TBX15: variants seen among roughly 807,000 people sequenced by gnomAD.
TBX15 encodes T-box transcription factor TBX15.
A neutral mutation model predicts 53.9 loss-of-function variants in TBX15; 18 were observed. That is an observed-to-expected ratio of 0.33 (90% confidence interval 0.23 to 0.49). TBX15 has a LOEUF of 0.49. Ranked by LOEUF, TBX15 falls within the 20% of genes least tolerant of loss-of-function variation. The pLI is 0.98. For synonymous variants in TBX15, 295 were observed against 278.0 expected, an observed-to-expected ratio of 1.06 and a Z score of -0.61; for missense variants, 692 against 749.5, an observed-to-expected ratio of 0.92 and a Z score of 0.90.
chr1:118,908,920 TCA>T (rs113048062), intron 6 of TBX15, among the ~76,000 whole-genome samples: 1,997 of 149,194 alleles, frequency 0.013, 38 homozygotes, highest in African/African-American at 0.033. Flanking sequence ...CACTCAACAT[TCA>T]CACACACACA....
At chr1:118,922,611 T>C (rs1655459368) in intron 5 of TBX15, among the ~76,000 whole-genome samples, 1 of 152,182 alleles carries the variant, frequency 6.6e-6, no homozygotes, top group South Asian at 2.1e-4. Context: ...CCAAATTTTA[T>C]GATCTTAACC....
intron 6 of TBX15, among the ~76,000 whole-genome samples, chr1:118,899,807 T>C (rs776694139): frequency 1.3e-5 from 2 of 152,192 alleles, no homozygotes; most frequent in Admixed American, 6.6e-5. Flanking sequence ...TAATAATCAG[T>C]CTGGTCTTTG....
chr1:118,892,369 C>CT (rs1313856908), intron 7 of TBX15, among the ~76,000 whole-genome samples: 1 of 151,996 alleles, frequency 6.6e-6, no homozygotes, highest in Non-Finnish European at 1.5e-5. Flanking sequence ...CTGCTGTTTT[C>CT]TTTTTTTAAG....
intron 1 of TBX15, among the ~76,000 whole-genome samples, chr1:118,937,329 T>G (rs1656002767): frequency 6.6e-6 from 1 of 152,132 alleles, no homozygotes; most frequent in Non-Finnish European, 1.5e-5. Flanking sequence ...TATTGAACAT[T>G]TACTATGTGC....
chr1:118,919,756 C>A (rs896376914), intron 5 of TBX15, among the ~76,000 whole-genome samples: 1 of 152,168 alleles, frequency 6.6e-6, no homozygotes, highest in African/African-American at 2.4e-5. Flanking sequence ...TTTTTTAGGT[C>A]AATTCTAATC....
rs551166975 is a variant in TBX15 at position 118,921,014 on chromosome 1, A to G, written c.861+2422T>C. Reference sequence around the variant, plus strand: ...ACAAAATGAGAGGCAATCTCTAAAAAAAAATCAAAACAATTAGGTGGGCAT... The same window carrying G: ...ACAAAATGAGAGGCAATCTCTAAAAGAAAATCAAAACAATTAGGTGGGCAT... On this transcript the variant is annotated intron_variant, in intron 5 of 7. Coordinates refer to ENST00000369429, the MANE Select transcript of TBX15 (RefSeq NM_001330677.2). 1.6e-4 allele frequency among the ~76,000 whole-genome samples: 24 copies of G among 151,996 alleles called. 1 individual carries two copies. Among genetic ancestry groups the G allele is most frequent in the Middle Eastern group, 3.4e-3 (1 of 294 alleles).
chr1:118,916,253 C>CGGAATTA (rs1655214592), intron 5 of TBX15, among the ~76,000 whole-genome samples: 1 of 152,020 alleles, frequency 6.6e-6, no homozygotes, highest in Non-Finnish European at 1.5e-5. Flanking sequence ...GGCAAAGTAC[C>CGGAATTA]CTGAAAGCTT....
At chr1:118,983,942 C>A (rs1297766932) in intron 1 of TBX15, among the ~76,000 whole-genome samples, 1 of 152,260 alleles carries the variant, frequency 6.6e-6, no homozygotes, top group Non-Finnish European at 1.5e-5. Context: ...TCACTTCCTC[C>A]GTGTTCACCC....
intron 1 of TBX15, among the ~76,000 whole-genome samples, chr1:118,966,155 T>G (rs1217613391): frequency 2.6e-5 from 4 of 152,316 alleles, no homozygotes; most frequent in Admixed American, 6.5e-5. Context: ...CAACACAATC[T>G]TCTCAGGCAC....
chr1:118,978,412 C>T (rs897890974), intron 1 of TBX15, among the ~76,000 whole-genome samples: 2 of 152,150 alleles, frequency 1.3e-5, no homozygotes, highest in Non-Finnish European at 2.9e-5. Context: ...CACAGAATCT[C>T]GTAGCTAAAG....
intron 6 of TBX15, among the ~76,000 whole-genome samples, chr1:118,901,970 G>A (rs1654645991): frequency 6.6e-6 from 1 of 151,940 alleles, no homozygotes; most frequent in Admixed American, 6.6e-5. Flanking sequence ...GTGTGGGGAG[G>A]GTTATGGCTC....
At chr1:118,897,688 G>A (rs1654477117) in intron 7 of TBX15, among the ~76,000 whole-genome samples, 1 of 152,056 alleles carries the variant, frequency 6.6e-6, no homozygotes, top group Non-Finnish European at 1.5e-5. Context: ...CAAAGACGGG[G>A]GCCTAGATTT....
intron 1 of TBX15, among the ~76,000 whole-genome samples, chr1:118,979,008 G>A (rs6680737): frequency 0.38 from 58,484 of 151,908 alleles, 11,938 homozygotes; most frequent in Non-Finnish European, 0.44. Flanking sequence ...TAAACCACCC[G>A]AGGCACCTAG....
At chr1:118,964,264 C>T (rs1255115871) in intron 1 of TBX15, among the ~76,000 whole-genome samples, 2 of 152,208 alleles carry the variant, frequency 1.3e-5, no homozygotes, top group Admixed American at 1.3e-4. Flanking sequence ...CTCATATCTC[C>T]CCATTTCTTA....
At chr1:118,930,696 G>C (rs767324625) in intron 2 of TBX15, among the ~76,000 whole-genome samples, 4 of 152,352 alleles carry the variant, frequency 2.6e-5, no homozygotes, top group South Asian at 2.1e-4. Context: ...GATCACAGGC[G>C]TGAGCCACCG....
intron 5 of TBX15, among the ~76,000 whole-genome samples, chr1:118,917,409 G>A (rs1285468446): frequency 2.6e-5 from 4 of 152,100 alleles, no homozygotes; most frequent in Non-Finnish European, 4.4e-5. Context: ...TACACACTGA[G>A]GCCTGTCAGG....
chr1:118,940,030 G>A (rs1011384596), intron 1 of TBX15, among the ~76,000 whole-genome samples: 1 of 151,924 alleles, frequency 6.6e-6, no homozygotes, highest in Non-Finnish European at 1.5e-5. Flanking sequence ...TGACACTAGA[G>A]TTGATGCTCT....
intron 1 of TBX15, among the ~76,000 whole-genome samples, chr1:118,943,720 A>AAG (rs1656258665): frequency 2.0e-5 from 3 of 152,096 alleles, no homozygotes; most frequent in Admixed American, 1.3e-4. Context: ...GGAAGCCCTG[A>AAG]CTCCAGATGG....
At chr1:118,982,834 C>G (rs1187645347) in intron 1 of TBX15, among the ~76,000 whole-genome samples, 1 of 152,190 alleles carries the variant, frequency 6.6e-6, no homozygotes, top group Non-Finnish European at 1.5e-5. Context: ...AAGGTTGCCC[C>G]CATGAAATCT....
Sources: allele counts gnomAD v4.1 joint callset (sites outside exome capture counted in the v4.1 genomes callset), GRCh38; gene constraint gnomAD v4.1.1; transcripts MANE v1.5; gene names NCBI Gene and HGNC (gene_info 2026-07-23, HGNC 2026-07-21).